The following DAPK2 variants were observed in gnomAD, a reference collection of about 807,000 sequenced individuals.
DAPK2 encodes the protein death-associated protein kinase 2.
In DAPK2, 35 loss-of-function variants were observed where a neutral mutation model predicts 44.1. The observed-to-expected ratio is 0.79, with a 90% CI of 0.61 to 1.05. The LOEUF (loss-of-function observed/expected upper bound fraction) is 1.05, where lower values mean the gene tolerates loss of function less well. DAPK2 is among the 50% of genes least tolerant of loss of function. DAPK2 has a pLI of 0.00. For synonymous variants in DAPK2, 174 were observed against 182.6 expected (o/e 0.95, Z 0.38); for missense variants, 453 against 483.2 (o/e 0.94, Z 0.59).
chr15:63,923,302 C>A lies in DAPK2; in HGVS notation c.858+1514G>T. On this transcript the variant is annotated intron_variant, in intron 8 of 10. Coordinates refer to ENST00000261891, the Ensembl canonical transcript of DAPK2. The surrounding 1 kb of genome is among the most constrained non-coding windows in gnomAD (Gnocchi z 4.2). ...GGTGCTTGGTCTTCAGCTGGGTGGGCTCTGTCTTCCGCTGTTCAGGGGCTC... is the reference window on the plus strand; with the variant it reads ...GGTGCTTGGTCTTCAGCTGGGTGGGATCTGTCTTCCGCTGTTCAGGGGCTC... The A allele has an allele frequency of 6.5e-7, 1 of 1,535,874 alleles. No individual in the cohort carries two copies. The highest frequency in any genetic ancestry group is 8.7e-7 in the Non-Finnish European group (1 of 1,146,726).
intron 1 of DAPK2, among the ~76,000 whole-genome samples, chr15:64,039,203 C>T (rs1258099847): frequency 1.3e-5 from 2 of 152,224 alleles, no homozygotes; most frequent in African/African-American, 2.4e-5. Flanking sequence ...TAACTAACAC[C>T]TGTCTCAGAT....
chr15:63,931,734 T>G (rs1186225102), intron 4 of DAPK2, among the ~76,000 whole-genome samples: 4 of 152,074 alleles, frequency 2.6e-5, no homozygotes, highest in Non-Finnish European at 5.9e-5. Flanking sequence ...AACGATGTGA[T>G]GAGCAGGAGA....
chr15:63,931,567 A>G (rs1485497256), intron 4 of DAPK2, among the ~76,000 whole-genome samples: 16 of 152,122 alleles, frequency 1.1e-4, no homozygotes, highest in Admixed American at 1.0e-3. Flanking sequence ...CTCCCACCTG[A>G]GGAGCAGGAG....
intron 3 of DAPK2, among the ~76,000 whole-genome samples, chr15:63,940,713 A>G (rs1055195783): frequency 1.3e-5 from 2 of 151,370 alleles, no homozygotes; most frequent in South Asian, 2.1e-4. Flanking sequence ...CTCTGTCTCA[A>G]TTAATAAATA....
At chr15:63,981,947 T>A (rs2078528493) in intron 2 of DAPK2, among the ~76,000 whole-genome samples, 1 of 152,164 alleles carries the variant, frequency 6.6e-6, no homozygotes, top group South Asian at 2.1e-4. Flanking sequence ...GTCCATCTGC[T>A]ACTTAAATCT....
chr15:63,938,137 T>C (rs2140441340), intron 4 of DAPK2, among the ~76,000 whole-genome samples: 1 of 152,352 alleles, frequency 6.6e-6, no homozygotes, highest in Non-Finnish European at 1.5e-5. Flanking sequence ...ATGCCTTGTT[T>C]CTACAACTAA....
chr15:63,974,741 G>A (rs1210729401), intron 2 of DAPK2, among the ~76,000 whole-genome samples: 1 of 152,164 alleles, frequency 6.6e-6, no homozygotes, highest in Non-Finnish European at 1.5e-5. Flanking sequence ...ACAGAATATA[G>A]ATTTTTCCCA....
At position 63,908,631 on chromosome 15, in the gene DAPK2, G is replaced by T; in HGVS notation, c.1033-31C>A. The T allele has an allele frequency of 6.4e-7, 1 of 1,550,712 alleles. No homozygotes were observed. ...GAAAAAAAAGAGAAAGAGGTCCAGGGCAGGAGGATCATGAGACGCCAGGAA... is the reference window on the plus strand; with the variant it reads ...GAAAAAAAAGAGAAAGAGGTCCAGGTCAGGAGGATCATGAGACGCCAGGAA... On this transcript the variant is annotated intron_variant, in intron 10 of 10. Coordinates refer to ENST00000261891, the Ensembl canonical transcript of DAPK2. The surrounding 1 kb of genome is among the most constrained non-coding windows in gnomAD (Gnocchi z 5.7).
chr15:63,989,005 C>T (rs970801016), intron 1 of DAPK2, among the ~76,000 whole-genome samples: 2 of 151,392 alleles, frequency 1.3e-5, no homozygotes, highest in African/African-American at 2.4e-5. Flanking sequence ...TATGGTGAAA[C>T]CCTGTCTCTA....
At chr15:63,928,945 G>A (rs2079409936) in intron 6 of DAPK2, among the ~76,000 whole-genome samples, 1 of 152,202 alleles carries the variant, frequency 6.6e-6, no homozygotes, top group Admixed American at 6.5e-5. Context: ...GCTCATACCT[G>A]TAATCCCAGC....
chr15:63,907,178 T>C (rs1021419612), exon 11 of DAPK2: 1 of 152,198 alleles, frequency 6.6e-6, no homozygotes, highest in African/African-American at 2.4e-5. Context: ...CTTCATGTGG[T>C]CTTTCCTGCG....
At chr15:63,951,429 C>G (rs2077583029) in intron 3 of DAPK2, among the ~76,000 whole-genome samples, 1 of 152,182 alleles carries the variant, frequency 6.6e-6, no homozygotes, top group African/African-American at 2.4e-5. Flanking sequence ...TCCCTTCCAT[C>G]TATGTCAAGA....
At chr15:63,949,045 T>C (rs568135509) in intron 3 of DAPK2, among the ~76,000 whole-genome samples, 13 of 152,314 alleles carry the variant, frequency 8.5e-5, no homozygotes, top group African/African-American at 3.1e-4. Context: ...CCTTCTGAAA[T>C]CACCCTTGCC....
chr15:63,949,161 A>G (rs1371729323), intron 3 of DAPK2, among the ~76,000 whole-genome samples: 1 of 152,138 alleles, frequency 6.6e-6, no homozygotes, highest in Non-Finnish European at 1.5e-5. Flanking sequence ...AAGGGCCTGA[A>G]CTCAGTTGCA....
chr15:63,945,616 G>A (rs1406426368), intron 3 of DAPK2, among the ~76,000 whole-genome samples: 1 of 152,154 alleles, frequency 6.6e-6, no homozygotes, highest in African/African-American at 2.4e-5. Flanking sequence ...AAATAGAGCA[G>A]GGTGGTGCAA....
intron 1 of DAPK2, among the ~76,000 whole-genome samples, chr15:64,027,748 T>TAAA (rs1160678801): frequency 6.6e-6 from 1 of 152,032 alleles, no homozygotes; most frequent in African/African-American, 2.4e-5. Flanking sequence ...ACAAAAACAA[T>TAAA]AAAAGAGTAT....
At chr15:63,926,247 G>T in intron 6 of DAPK2, 154 bp from the exon 8 acceptor site, 1 of 694,910 alleles carries the variant, frequency 1.4e-6, no homozygotes, top group Non-Finnish European at 2.4e-6. Flanking sequence ...CCAGCAGCCT[G>T]TTCAGCTAAG....
intron 1 of DAPK2, among the ~76,000 whole-genome samples, chr15:64,006,268 C>T (rs998113223): frequency 3.9e-5 from 6 of 152,148 alleles, no homozygotes; most frequent in Non-Finnish European, 8.8e-5. Context: ...TGTGTAGCCA[C>T]CTGAGTTCTG....
In DAPK2 at chr15:63,908,197, C is replaced by T. The variant is rs1474218309; in HGVS notation, c.*323G>A. The T allele has an allele frequency of 5.2e-6, 1 of 192,164 alleles. No homozygotes were observed. Among genetic ancestry groups the T allele is most frequent in the African/African-American group, 2.3e-5 (1 of 42,872 alleles). The allele number at this position is 192,164 out of a possible 1,614,324, so 11.9% of individuals were successfully genotyped here. A position where few individuals can be genotyped will look rare whatever the true frequency, so the allele number is the denominator to read the frequency against. On this transcript the variant is annotated 3_prime_UTR_variant, in exon 11 of 11. Transcript: ENST00000261891. The surrounding 1 kb of genome is among the most constrained non-coding windows in gnomAD (Gnocchi z 5.7). ...GAAGGCTGCCTTAGTCTGACCTTCACCCCGTGATGATGAGGATGTCCTTTA... is the reference window on the plus strand; with the variant it reads ...GAAGGCTGCCTTAGTCTGACCTTCATCCCGTGATGATGAGGATGTCCTTTA...
Sources: gnomAD v4.1 joint callset for allele counts (sites outside exome capture counted in the v4.1 genomes callset) on GRCh38, gnomAD v4.1.1 for gene constraint, Gnocchi (gnomAD v3.1) non-coding constraint, MANE v1.5 for transcripts, NCBI Gene and HGNC (gene_info 2026-07-23, HGNC 2026-07-21) for gene names.